The following ZBTB20 variants were observed in gnomAD, a reference collection of about 807,000 sequenced individuals.
ZBTB20 encodes the protein zinc finger and BTB domain-containing protein 20.
A neutral mutation model predicts 56.9 loss-of-function variants in ZBTB20; 9 were observed. That is an observed-to-expected ratio of 0.16 (90% CI 0.10 to 0.28). The LOEUF is 0.28. Among genes scored for constraint, ZBTB20 ranks in the 10% least tolerant of loss-of-function variants. ZBTB20 has a pLI of 1.00. For missense variants in ZBTB20, 655 were observed against 1,003.0 expected (o/e 0.65, Z 4.69); for synonymous variants, 417 against 420.7 (o/e 0.99, Z 0.11).
At chr3:114,614,195 T>C (rs2057757293) in intron 6 of ZBTB20, among the ~76,000 whole-genome samples, 1 of 152,224 alleles carries the variant, frequency 6.6e-6, no homozygotes, top group Non-Finnish European at 1.5e-5. Flanking sequence ...GAAATATATA[T>C]GAGAAATGAT....
At chr3:115,065,094 C>T (rs1232158622) in intron 2 of ZBTB20, among the ~76,000 whole-genome samples, 1 of 151,920 alleles carries the variant, frequency 6.6e-6, no homozygotes, top group African/African-American at 2.4e-5. Context: ...CTTGTTGGAT[C>T]GTTTGTTTGA....
At chr3:114,720,316 C>G (rs2064829154) in intron 5 of ZBTB20, among the ~76,000 whole-genome samples, 2 of 151,090 alleles carry the variant, frequency 1.3e-5, no homozygotes, top group South Asian at 4.2e-4. Flanking sequence ...ACTTGTAAAG[C>G]TTTTTGCAGT....
chr3:114,642,343 T>G (rs1376829440), intron 6 of ZBTB20, among the ~76,000 whole-genome samples: 1 of 152,096 alleles, frequency 6.6e-6, no homozygotes, highest in East Asian at 1.9e-4. Context: ...CTTGTGAACC[T>G]GTAAACCTCA....
intron 6 of ZBTB20, among the ~76,000 whole-genome samples, chr3:114,534,172 C>T (rs2048182999): frequency 6.6e-6 from 1 of 152,084 alleles, no homozygotes; most frequent in South Asian, 2.1e-4. Flanking sequence ...CTAAATGCCC[C>T]AATTAAAAGA....
chr3:114,904,447 T>C (rs888402210), intron 3 of ZBTB20: 16 of 152,154 alleles, frequency 1.1e-4, no homozygotes, highest in Admixed American at 3.9e-4. Context: ...ACATTTAAAT[T>C]TGATATTTTG....
rs1553787322 is a variant in ZBTB20, at chr3:114,334,917, CCT to C, written c.*4086_*4087del. On this transcript the variant is annotated 3_prime_UTR_variant, in exon 12 of 12. Coordinates refer to ENST00000675478, the MANE Select transcript of ZBTB20 (RefSeq NM_001348800.3). ...TTTTTCTTTGCTTAGCTTGTTTCCC[CCT>C]GTGTAGAATTGTAACAGATCCATGT... is the stretch of plus-strand genomic sequence containing the variant. The C allele has an allele frequency of 6.6e-6, 1 of 152,006 alleles. No homozygotes were observed. 9.4% of individuals were successfully genotyped at this position (152,006 alleles called of 1,614,324 possible).
intron 6 of ZBTB20, among the ~76,000 whole-genome samples, chr3:114,554,643 G>A (rs1437265715): frequency 1.3e-5 from 2 of 152,180 alleles, no homozygotes; most frequent in African/African-American, 2.4e-5. Flanking sequence ...CATGTGGCTT[G>A]TACACAAGAC....
In ZBTB20 at chr3:114,450,066, C is replaced by T. The variant is rs2091507021; in HGVS notation, c.-255+50286G>A. Among the ~76,000 whole-genome samples the T allele has an allele frequency of 2.6e-5, 4 of 152,260 alleles. No homozygotes were observed. The South Asian group carries it at 8.3e-4, about 32-fold the overall frequency. Reference sequence around the variant, plus strand: ...GCCTTAATGGGGCAATTTACTTTTGCTCTATGATATTTAGAAAGGTGTCCA... The same window carrying T: ...GCCTTAATGGGGCAATTTACTTTTGTTCTATGATATTTAGAAAGGTGTCCA... On this transcript the variant is annotated intron_variant, in intron 7 of 11. Transcript: ENST00000675478.
Position 114,954,080 on chromosome 3 carries a change from G to C in ZBTB20, c.-456+20286C>G, listed in dbSNP as rs374775299. ...GAAAGTTTTATAGAAATGAATTTCT[G>C]CTGATCTCACTGTGAAAGTGCAGTT... On this transcript the variant is annotated intron_variant, in intron 3 of 11. Transcript: ENST00000675478. 2.6e-5 allele frequency among the ~76,000 whole-genome samples: 4 copies of C among 152,070 alleles called. No homozygotes were observed. The East Asian group carries it at 5.8e-4, about 22-fold the overall frequency.
intron 5 of ZBTB20, among the ~76,000 whole-genome samples, chr3:114,778,273 A>C (rs962417487): frequency 3.3e-5 from 3 of 91,210 alleles, no homozygotes; most frequent in African/African-American, 1.4e-4. Context: ...TAATAATAAT[A>C]ATAATAATAC....
chr3:114,455,094 C>T (rs1320706688), intron 7 of ZBTB20, among the ~76,000 whole-genome samples: 5 of 124,994 alleles, frequency 4.0e-5, no homozygotes, highest in Non-Finnish European at 6.7e-5. Context: ...AGAGGAGAGA[C>T]GGAGAGAGAG....
At chr3:114,840,298 A>G (rs1454218255) in intron 4 of ZBTB20, among the ~76,000 whole-genome samples, 1 of 152,258 alleles carries the variant, frequency 6.6e-6, no homozygotes, top group Non-Finnish European at 1.5e-5. Flanking sequence ...ACATGTCTAC[A>G]GACGTTAAAA....
chr3:114,962,132 C>T (rs914357002), intron 3 of ZBTB20, among the ~76,000 whole-genome samples: 5 of 151,986 alleles, frequency 3.3e-5, no homozygotes, highest in African/African-American at 1.2e-4. Flanking sequence ...AATACATGCT[C>T]CAGGCTTACT....
At chr3:114,962,593 A>G (rs2077496420) in intron 3 of ZBTB20, among the ~76,000 whole-genome samples, 1 of 152,152 alleles carries the variant, frequency 6.6e-6, no homozygotes, top group African/African-American at 2.4e-5. Flanking sequence ...AGTCGATCTT[A>G]AATTTAGCTG....
Position 115,128,260 on chromosome 3 carries a change from G to A in ZBTB20, c.-703+18959C>T, listed in dbSNP as rs557689627. Among the ~76,000 whole-genome samples the A allele has an allele frequency of 1.6e-4, 24 of 152,234 alleles. 1 individual carries two copies. The South Asian group carries it at 1.7e-3, about 11-fold the overall frequency. ...CAATACACAAGTAGAAGGTGAAAAC[G>A]GGTTTGATTTATTACAATGGATTCA... On this transcript the variant is annotated intron_variant, in intron 1 of 11. Coordinates refer to ENST00000675478, the MANE Select transcript of ZBTB20 (RefSeq NM_001348800.3).
intron 6 of ZBTB20, among the ~76,000 whole-genome samples, chr3:114,673,687 A>C (rs993481084): frequency 2.0e-5 from 3 of 152,202 alleles, no homozygotes; most frequent in Non-Finnish European, 2.9e-5. Flanking sequence ...TTGTAATTCT[A>C]ACTCAGCCAC....
At chr3:114,996,578 G>C (rs1267417192) in intron 2 of ZBTB20, among the ~76,000 whole-genome samples, 4 of 151,934 alleles carry the variant, frequency 2.6e-5, no homozygotes, top group African/African-American at 9.7e-5. Context: ...TGGTGTATAT[G>C]TGCCACATTT....
At position 114,326,158 on chromosome 3, in the gene ZBTB20, C is replaced by T. The variant is rs1034973526; in HGVS notation, c.*12847G>A. ...AATTGATTTTGGCATTTCGGCAGCA[C>T]CCCTTCCTTTTCTTTCCTGGGTATC... On this transcript the variant is annotated 3_prime_UTR_variant, in exon 12 of 12. Coordinates refer to ENST00000675478, the MANE Select transcript of ZBTB20 (RefSeq NM_001348800.3). The T allele has an allele frequency of 2.6e-5, 4 of 152,192 alleles. No homozygotes were observed. The highest frequency in any genetic ancestry group is 9.7e-5 in the African/African-American group (4 of 41,432). The allele number at this position is 152,192 out of a possible 1,614,324, so 9.4% of individuals were successfully genotyped here. A position where few individuals can be genotyped will look rare whatever the true frequency, so the allele number is the denominator to read the frequency against.
At chr3:114,712,654 G>GAAAAAAA (rs139980086) in intron 5 of ZBTB20, among the ~76,000 whole-genome samples, 1 of 79,982 alleles carries the variant, frequency 1.3e-5, no homozygotes, top group Non-Finnish European at 2.5e-5. Context: ...ACTCCATCTC[G>GAAAAAAA]AAAAAAAAAA....
Sources: allele counts gnomAD v4.1 joint callset (sites outside exome capture counted in the v4.1 genomes callset), GRCh38; gene constraint gnomAD v4.1.1; transcripts MANE v1.5; gene names NCBI Gene and HGNC (gene_info 2026-07-23, HGNC 2026-07-21).